FILIP1L: variants seen among roughly 807,000 people sequenced by gnomAD.
FILIP1L encodes filamin A interacting protein 1 like.
Under a neutral mutation model 96.6 loss-of-function variants are expected in FILIP1L, and 55 were observed. The observed-to-expected ratio is 0.57, with a 90% confidence interval of 0.46 to 0.71. The LOEUF is 0.71. Ranked by LOEUF, FILIP1L falls within the 30% of genes least tolerant of loss-of-function variation. FILIP1L has a pLI of 0.00. For synonymous variants in FILIP1L, 467 were observed against 473.9 expected (o/e 0.99, Z 0.19); for missense variants, 1,304 against 1,321.2 (o/e 0.99, Z 0.20).
chr3:100,045,899 C>CT (rs1320651011), intron 1 of FILIP1L, among the ~76,000 whole-genome samples: 1 of 151,780 alleles, frequency 6.6e-6, no homozygotes, highest in Admixed American at 6.6e-5. Context: ...GTCCTTTCTG[C>CT]GCAGGGATGA....
At chr3:99,958,149 C>T (rs115212979) in intron 1 of FILIP1L, among the ~76,000 whole-genome samples, 11,186 of 148,502 alleles carry the variant, frequency 0.075, 534 homozygotes, top group Admixed American at 0.11. Context: ...GAATCTGTGC[C>T]GTGGTGGTTT....
At chr3:100,083,876 A>G (rs2065967862) in intron 1 of FILIP1L, among the ~76,000 whole-genome samples, 1 of 152,140 alleles carries the variant, frequency 6.6e-6, no homozygotes. Flanking sequence ...GCCTGGCGTG[A>G]TTCTTGCCAT....
intron 1 of FILIP1L, among the ~76,000 whole-genome samples, chr3:100,046,141 C>A (rs1426564803): frequency 6.6e-6 from 1 of 152,186 alleles, no homozygotes; most frequent in Non-Finnish European, 1.5e-5. Flanking sequence ...TAGCTGTATT[C>A]TCAATAACAG....
chr3:99,997,515 G>A (rs76330360), intron 1 of FILIP1L, among the ~76,000 whole-genome samples: 1,838 of 152,248 alleles, frequency 0.012, 23 homozygotes, highest in African/African-American at 0.027. Context: ...TCTTGGCTAC[G>A]CATTAGAATA....
At chr3:100,078,834 T>TGA (rs2065890308) in intron 1 of FILIP1L, among the ~76,000 whole-genome samples, 1 of 152,028 alleles carries the variant, frequency 6.6e-6, no homozygotes, top group Non-Finnish European at 1.5e-5. Context: ...GAGGCTGCAG[T>TGA]GAGCCAAGAT....
chr3:100,109,022 G>A (rs547211244), intron 1 of FILIP1L, among the ~76,000 whole-genome samples: 17 of 151,382 alleles, frequency 1.1e-4, no homozygotes, highest in South Asian at 2.1e-4. Context: ...TTTGACAGTC[G>A]GTATTATACA....
intron 1 of FILIP1L, among the ~76,000 whole-genome samples, chr3:99,944,368 C>T (rs1490584943): frequency 6.6e-6 from 1 of 152,038 alleles, no homozygotes; most frequent in Admixed American, 6.6e-5. Flanking sequence ...ACAGCTGTTC[C>T]AAAAAAGATG....
At chr3:99,951,347 A>G (rs924421857) in intron 1 of FILIP1L, among the ~76,000 whole-genome samples, 2 of 151,980 alleles carry the variant, frequency 1.3e-5, no homozygotes, top group African/African-American at 4.8e-5. Flanking sequence ...AACCTCCCCC[A>G]CTGAACCCTT....
intron 1 of FILIP1L, among the ~76,000 whole-genome samples, chr3:99,971,056 G>T (rs1245289972): frequency 6.6e-6 from 1 of 152,204 alleles, no homozygotes; most frequent in Non-Finnish European, 1.5e-5. Flanking sequence ...AGAATATGGG[G>T]GCTGGGCGTG....
At chr3:100,042,577 A>T (rs905703042) in intron 1 of FILIP1L, among the ~76,000 whole-genome samples, 2 of 152,364 alleles carry the variant, frequency 1.3e-5, no homozygotes, top group South Asian at 4.1e-4. Flanking sequence ...TAATCCATGT[A>T]TGGTTCAGAC....
chr3:99,957,208 G>C (rs1055110746), intron 1 of FILIP1L, among the ~76,000 whole-genome samples: 11 of 152,132 alleles, frequency 7.2e-5, no homozygotes, highest in Admixed American at 7.2e-4. Flanking sequence ...ATTTGGCAGT[G>C]AAAGGGCCAA....
At chr3:100,032,464 T>G (rs1576656646) in intron 1 of FILIP1L, among the ~76,000 whole-genome samples, 1 of 152,146 alleles carries the variant, frequency 6.6e-6, no homozygotes, top group Non-Finnish European at 1.5e-5. Flanking sequence ...CAGCTGGTGG[T>G]TTCTGTTATC....
chr3:100,051,920 AAT>A (rs1369180817), intron 1 of FILIP1L, among the ~76,000 whole-genome samples: 9 of 148,730 alleles, frequency 6.1e-5, no homozygotes, highest in Non-Finnish European at 8.9e-5. Flanking sequence ...GTGTTATTAA[AAT>A]ATATGTTTAT....
At chr3:99,906,376 T>G (rs1239874171) in intron 4 of FILIP1L, among the ~76,000 whole-genome samples, 3 of 152,204 alleles carry the variant, frequency 2.0e-5, no homozygotes, top group Non-Finnish European at 4.4e-5. Flanking sequence ...GTCAGTCTTA[T>G]TTTTTATTAA....
chr3:100,052,626 A>G (rs2065393396), intron 1 of FILIP1L, among the ~76,000 whole-genome samples: 1 of 152,252 alleles, frequency 6.6e-6, no homozygotes, highest in Non-Finnish European at 1.5e-5. Context: ...ATAGCTCAGG[A>G]GCAAGTATTA....
chr3:100,002,359 C>A (rs1559721213), intron 1 of FILIP1L, among the ~76,000 whole-genome samples: 1 of 152,078 alleles, frequency 6.6e-6, no homozygotes, highest in Non-Finnish European at 1.5e-5. Flanking sequence ...ACATTATATC[C>A]CCTGATACAC....
chr3:100,023,015 G>C (rs916305485), intron 1 of FILIP1L, among the ~76,000 whole-genome samples: 1 of 152,156 alleles, frequency 6.6e-6, no homozygotes, highest in African/African-American at 2.4e-5. Context: ...TGTTAGAGTA[G>C]CCACACCTCT....
At chr3:99,971,553 T>C (rs1474705763) in intron 1 of FILIP1L, among the ~76,000 whole-genome samples, 1 of 152,224 alleles carries the variant, frequency 6.6e-6, no homozygotes, top group Non-Finnish European at 1.5e-5. Flanking sequence ...TTAACCTCTC[T>C]AAGCCTCACT....
chr3:99,958,709 C>G (rs1345712709), intron 1 of FILIP1L, among the ~76,000 whole-genome samples: 2 of 152,146 alleles, frequency 1.3e-5, no homozygotes, highest in South Asian at 4.1e-4. Context: ...GAGGCATGAG[C>G]CAGCAGGGCT....
Sources: allele counts gnomAD v4.1 joint callset (sites outside exome capture counted in the v4.1 genomes callset), GRCh38; gene constraint gnomAD v4.1.1; transcripts MANE v1.5; gene names NCBI Gene and HGNC (gene_info 2026-07-23, HGNC 2026-07-21).